The following DGKB variants were observed in gnomAD, a reference collection of about 807,000 sequenced individuals.
DGKB encodes the protein diacylglycerol kinase beta.
A neutral mutation model predicts 114.3 loss-of-function variants in DGKB; 67 were observed. The ratio of observed to expected loss-of-function variants is 0.59; its 90% CI spans 0.48 to 0.72. The LOEUF is 0.72. Ranked by LOEUF, DGKB falls within the 30% of genes least tolerant of loss-of-function variation. DGKB has a pLI of 0.00. For synonymous variants in DGKB, 398 were observed against 323.1 expected (o/e 1.23, Z -2.49); for missense variants, 907 against 975.2 (o/e 0.93, Z 0.93).
At chr7:14,641,550 G>GA (rs1811806551) in intron 13 of DGKB, among the ~76,000 whole-genome samples, 1 of 150,038 alleles carries the variant, frequency 6.7e-6, no homozygotes, top group African/African-American at 2.4e-5. Flanking sequence ...ATTCATGTTT[G>GA]ATTTTTTTGT....
intron 21 of DGKB, among the ~76,000 whole-genome samples, chr7:14,426,583 T>C (rs766766365): frequency 6.6e-6 from 1 of 152,150 alleles, no homozygotes; most frequent in Non-Finnish European, 1.5e-5. Flanking sequence ...ATTTGCCTAC[T>C]GGGATCTGAG....
intron 4 of DGKB, among the ~76,000 whole-genome samples, chr7:14,745,072 C>T (rs1344261736): frequency 6.6e-6 from 1 of 152,136 alleles, no homozygotes; most frequent in Non-Finnish European, 1.5e-5. Context: ...AAGCCAAGCC[C>T]CATGCAACCA....
At chr7:14,825,012 GTA>G (rs1232898169) in intron 2 of DGKB, among the ~76,000 whole-genome samples, 4 of 60,846 alleles carry the variant, frequency 6.6e-5, no homozygotes, top group East Asian at 5.2e-4. Flanking sequence ...ATATGTATGT[GTA>G]TGTATATATA....
chr7:14,675,102 C>T (rs532964851), intron 12 of DGKB, among the ~76,000 whole-genome samples: 8 of 152,156 alleles, frequency 5.3e-5, no homozygotes, highest in South Asian at 2.1e-4. Flanking sequence ...AGAAAACAGA[C>T]GCTAAGAACC....
upstream of DGKB, chr7:14,974,816 A>C (rs533574554): frequency 6.6e-5 from 10 of 152,262 alleles, 1 homozygote; most frequent in East Asian, 1.9e-3. Flanking sequence ...TTTATTCAGA[A>C]ATATAGATGA....
intron 21 of DGKB, among the ~76,000 whole-genome samples, chr7:14,392,503 A>C (rs558650359): frequency 6.6e-6 from 1 of 152,374 alleles, no homozygotes; most frequent in East Asian, 1.9e-4. Flanking sequence ...AAGAACATAT[A>C]AATAAATGAA....
In DGKB at chr7:14,147,255, T is replaced by C. The variant is rs1480460104; in HGVS notation, c.*1876A>G. The C allele has an allele frequency of 1.3e-5, 2 of 152,186 alleles. No homozygotes were observed. Among genetic ancestry groups the C allele is most frequent in the African/African-American group, 4.8e-5 (2 of 41,464 alleles). 9.4% of individuals were successfully genotyped at this position (152,186 alleles called of 1,614,324 possible). ...TTTTATTTTATACCAGCGCAAGTGATTGCTGTACTAAATTTGCAATTGTAA... is the reference window on the plus strand; with the variant it reads ...TTTTATTTTATACCAGCGCAAGTGACTGCTGTACTAAATTTGCAATTGTAA... On this transcript the variant is annotated 3_prime_UTR_variant, in exon 26 of 26. Transcript: ENST00000402815.
At chr7:14,455,465 A>T (rs77440899) in intron 21 of DGKB, among the ~76,000 whole-genome samples, 3,983 of 152,120 alleles carry the variant, frequency 0.026, 192 homozygotes, top group African/African-American at 0.09. Context: ...CCATAACATT[A>T]TTTATGCCAT....
chr7:14,170,557 A>C (rs190814542), intron 25 of DGKB, among the ~76,000 whole-genome samples: 2 of 152,286 alleles, frequency 1.3e-5, no homozygotes, highest in Admixed American at 1.3e-4. Context: ...TCTAGTTGAT[A>C]TTAACTTGCT....
intron 21 of DGKB, among the ~76,000 whole-genome samples, chr7:14,454,423 T>C (rs977065634): frequency 2.0e-5 from 3 of 152,092 alleles, no homozygotes; most frequent in Non-Finnish European, 4.4e-5. Context: ...TAGCCTATGT[T>C]TTTACAAACA....
chr7:14,397,399 C>A (rs1273084693), intron 21 of DGKB, among the ~76,000 whole-genome samples: 2 of 152,036 alleles, frequency 1.3e-5, no homozygotes, highest in Non-Finnish European at 2.9e-5. Flanking sequence ...TCCCTTTTTC[C>A]ATAGTCCAGT....
Position 14,338,660 on chromosome 7 carries a change from A to G in DGKB, c.1977T>C (p.Ala659=). 1 of 1,600,540 alleles carries G rather than the reference A, an allele frequency of 6.2e-7. No individual in the cohort carries two copies. Among genetic ancestry groups the G allele is most frequent in the East Asian group, 2.3e-5 (1 of 44,300 alleles). Residue 659 remains alanine (A), a synonymous_variant, in exon 23 of 26, where the codon GCT becomes GCC. Transcript: ENST00000402815. ...CATGCATGCTTGGTATATTCAAAAT[A>G]GCAATTCCTTCCAGAGAGATGTTTA... ...DLINISLEGI[A]ILNIPSMHGG... is the part of the protein sequence containing the mutation.
In DGKB at chr7:14,211,308, GTTTTGTGATATTTACTCTCA is replaced by G. The variant is rs1562627203; in HGVS notation, c.2123-33177_2123-33158del. 8.1e-4 allele frequency among the ~76,000 whole-genome samples: 86 copies of G among 105,906 alleles called. 2 individuals carry two copies. The highest frequency in any genetic ancestry group is 5.1e-3 in the African/African-American group (84 of 16,524). 69.5% of individuals were successfully genotyped at this position (105,906 alleles called of 152,430 possible). ...TCTACTATGTGATATTTACTCTCAT[GTTTTGTGATATTTACTCTCA>G]TGTTTTGTGATTTTACTCTCATGTT... is the stretch of plus-strand genomic sequence containing the variant. On this transcript the variant is annotated intron_variant, in intron 23 of 25. Coordinates refer to ENST00000402815, the MANE Select transcript of DGKB (RefSeq NM_001350709.2).
chr7:14,480,758 C>A (rs1782868224), intron 20 of DGKB, among the ~76,000 whole-genome samples: 1 of 151,982 alleles, frequency 6.6e-6, no homozygotes, highest in African/African-American at 2.4e-5. Context: ...CATTGAGAAC[C>A]ACAACTTCCT....
At chr7:14,682,515 G>A (rs746652673) in intron 12 of DGKB, 38 bp downstream of exon 12, 8 of 1,371,662 alleles carry the variant, frequency 5.8e-6, no homozygotes, top group Non-Finnish European at 8.3e-6. Flanking sequence ...TCTTCAGTGT[G>A]GGTGAATGCT....
chr7:14,662,122 G>T (rs1202158079), intron 13 of DGKB, among the ~76,000 whole-genome samples: 1 of 151,924 alleles, frequency 6.6e-6, no homozygotes, highest in African/African-American at 2.4e-5. Context: ...GAGTTAGTGG[G>T]TGCAGCGCAC....
chr7:14,229,808 A>G (rs1791428622), intron 23 of DGKB, among the ~76,000 whole-genome samples: 1 of 152,024 alleles, frequency 6.6e-6, no homozygotes, highest in Non-Finnish European at 1.5e-5. Flanking sequence ...AGGATAAATT[A>G]TGATATATTC....
At chr7:14,860,763 G>T (rs1182507183) in intron 1 of DGKB, among the ~76,000 whole-genome samples, 1 of 151,668 alleles carries the variant, frequency 6.6e-6, no homozygotes, top group African/African-American at 2.4e-5. Flanking sequence ...CTTTCCCTAG[G>T]GCATTAAGTT....
At chr7:14,338,837 C>G (rs1811131473) in intron 22 of DGKB, 127 bp from the exon 23 acceptor site, 1 of 568,186 alleles carries the variant, frequency 1.8e-6, no homozygotes, top group African/African-American at 1.9e-5. Context: ...TCCAAACAAG[C>G]CTTTCAAGAA....
Sources: gnomAD v4.1 joint callset for allele counts (sites outside exome capture counted in the v4.1 genomes callset) on GRCh38, gnomAD v4.1.1 for gene constraint, MANE v1.5 for transcripts, NCBI Gene and HGNC (gene_info 2026-07-23, HGNC 2026-07-21) for gene names.